Variants in CFAP47 observed in about 807,000 individuals in gnomAD.
CFAP47 encodes the protein cilia- and flagella-associated protein 47.
Under a neutral mutation model 148.1 loss-of-function variants are expected in CFAP47, and 29 were observed. The ratio of observed to expected loss-of-function variants is 0.20; its 90% CI spans 0.15 to 0.27. CFAP47 has a LOEUF of 0.27. Among genes scored for constraint, CFAP47 ranks in the 10% least tolerant of loss-of-function variants. CFAP47 has a pLI of 1.00. For missense variants in CFAP47, 1,872 were observed against 1,697.5 expected, an observed-to-expected ratio of 1.10 and a Z score of -1.81; for synonymous variants, 664 against 577.3, an observed-to-expected ratio of 1.15 and a Z score of -2.15.
chrX:36,212,610 C>CT (rs1353160624), intron 45 of CFAP47, among the ~76,000 whole-genome samples: 1 of 110,457 alleles, frequency 9.1e-6, no homozygotes. Context: ...AAGTTTTACA[C>CT]TTTTTTTAGT....
intron 49 of CFAP47, among the ~76,000 whole-genome samples, chrX:36,261,652 T>C (rs1940824890): frequency 9.1e-6 from 1 of 110,450 alleles, no homozygotes; most frequent in Non-Finnish European, 1.9e-5. Flanking sequence ...GGTAAGGTCA[T>C]AGATCAACAG....
chrX:36,050,642 C>A (rs910950029), intron 26 of CFAP47, among the ~76,000 whole-genome samples: 3 of 112,024 alleles, frequency 2.7e-5, no homozygotes, highest in African/African-American at 9.7e-5. Context: ...CCTGATACTG[C>A]AGTAGAATAG....
In CFAP47 at chrX:35,942,595, T is replaced by C. The variant is rs150163981; in HGVS notation, c.517+1197T>C. On this transcript the variant is annotated intron_variant, in intron 3 of 63. Transcript: ENST00000378653. ...GCACTGATATTTAATTAAGGTATTT[T>C]TATTTGTATTATTTTACTTTCCAGA... is the stretch of plus-strand genomic sequence containing the variant. 1.8e-3 allele frequency among the ~76,000 whole-genome samples: 202 copies of C among 111,462 alleles called. 4 individuals are homozygous for C. In the East Asian group the frequency reaches 0.047, roughly 26 times the overall value.
At chrX:36,023,227 T>C (rs1430150400) in intron 22 of CFAP47, among the ~76,000 whole-genome samples, 1 of 112,471 alleles carries the variant, frequency 8.9e-6, no homozygotes, top group Non-Finnish European at 1.9e-5. Context: ...AGGGACCACC[T>C]TGATGATTTT....
chrX:36,090,840 T>C lies in CFAP47; in HGVS notation c.4916+5302T>C, dbSNP rs187709555. On this transcript the variant is annotated intron_variant, in intron 30 of 63. Transcript: ENST00000378653. ...CTACTCTGCATAAATGAGCAACTTA[T>C]GTTTAGGGATTAAGCTAGGATTTTT... is the stretch of plus-strand genomic sequence containing the variant. Among the ~76,000 whole-genome samples, 795 of 111,782 alleles carry C rather than the reference T, an allele frequency of 7.1e-3. 4 individuals carry two copies. The highest frequency in any genetic ancestry group is 0.023 in the Middle Eastern group (5 of 216).
At chrX:35,972,057 A>G in intron 13 of CFAP47, 92 bp downstream of exon 13, 1 of 578,858 alleles carries the variant, frequency 1.7e-6, no homozygotes, top group Admixed American at 3.7e-5. Context: ...AATTTAAAGT[A>G]TGCAAGTATC....
chrX:36,266,938 T>A (rs782530658), intron 49 of CFAP47, among the ~76,000 whole-genome samples: 2 of 110,904 alleles, frequency 1.8e-5, no homozygotes, highest in African/African-American at 6.6e-5. Context: ...CTGGGCCCTC[T>A]CTTCAACCTC....
At chrX:36,049,539 C>T (rs2146736045) in intron 26 of CFAP47, among the ~76,000 whole-genome samples, 1 of 107,930 alleles carries the variant, frequency 9.3e-6, no homozygotes, top group Non-Finnish European at 1.9e-5. Context: ...AGTGAAACTT[C>T]TGTGTTCCAC....
At chrX:36,284,091 C>T (rs1376805946) in intron 50 of CFAP47, among the ~76,000 whole-genome samples, 3 of 112,068 alleles carry the variant, frequency 2.7e-5, no homozygotes, top group Admixed American at 9.5e-5. Context: ...GGAGAAGTCA[C>T]ATTTAAATGT....
intron 35 of CFAP47, among the ~76,000 whole-genome samples, chrX:36,141,429 C>G (rs1207532751): frequency 9.0e-6 from 1 of 111,446 alleles, no homozygotes; most frequent in Non-Finnish European, 1.9e-5. Flanking sequence ...CTTCTTCTTA[C>G]CTGTTTGTCC....
chrX:36,108,456 C>A (rs5973576), intron 33 of CFAP47, among the ~76,000 whole-genome samples: 7,094 of 111,448 alleles, frequency 0.064, 609 homozygotes, highest in African/African-American at 0.22. Context: ...TAATTAATCA[C>A]CAACCAACAA....
intron 22 of CFAP47, among the ~76,000 whole-genome samples, chrX:36,020,802 C>T (rs1250609049): frequency 1.8e-5 from 2 of 111,459 alleles, no homozygotes; most frequent in South Asian, 3.7e-4. Flanking sequence ...TTCAGCCAGT[C>T]CATTTACATT....
intron 62 of CFAP47, among the ~76,000 whole-genome samples, chrX:36,371,499 G>GTA (rs1332747289): frequency 9.5e-6 from 1 of 105,365 alleles, no homozygotes; most frequent in Non-Finnish European, 2.0e-5. Context: ...CTGGGTGTGT[G>GTA]TATATATATG....
rs761024902 is a variant in CFAP47 at position 36,003,967 on chromosome X, C to CTTTT, written c.3417+2281_3417+2284dup. Among the ~76,000 whole-genome samples, 195 of 66,369 alleles carry CTTTT rather than the reference C, an allele frequency of 2.9e-3. 9 individuals are homozygous for CTTTT. The highest frequency in any genetic ancestry group is 0.012 in the African/African-American group (171 of 14,845). 57.6% of individuals were successfully genotyped at this position (66,369 alleles called of 115,157 possible). ...AAATCACTAGCATTTCTTTCTTTTT[C>CTTTT]TTTTTTTTTTTTTTTTTTTTTTTTA... is the stretch of plus-strand genomic sequence containing the variant. On this transcript the variant is annotated intron_variant, in intron 21 of 63. Coordinates refer to ENST00000378653, the MANE Select transcript of CFAP47 (RefSeq NM_001304548.2).
chrX:35,958,350 A>C (rs1325137012), intron 8 of CFAP47, among the ~76,000 whole-genome samples: 1 of 111,742 alleles, frequency 8.9e-6, no homozygotes, highest in East Asian at 2.8e-4. Flanking sequence ...TTCATGTACA[A>C]CTTTTTGTGT....
At chrX:36,337,664 A>G (rs928152998) in intron 57 of CFAP47, among the ~76,000 whole-genome samples, 15 of 110,902 alleles carry the variant, frequency 1.4e-4, no homozygotes, top group African/African-American at 4.9e-4. Context: ...ACAGAGGCAA[A>G]TTATCTGTTT....
chrX:36,221,438 A>G, intron 45 of CFAP47, among the ~76,000 whole-genome samples: 1 of 111,812 alleles, frequency 8.9e-6, no homozygotes, highest in Middle Eastern at 5.0e-3. Context: ...AATAAACAAA[A>G]CTTGATGAAT....
intron 39 of CFAP47, among the ~76,000 whole-genome samples, chrX:36,178,130 T>C (rs763393676): frequency 9.0e-6 from 1 of 111,222 alleles, no homozygotes; most frequent in African/African-American, 3.3e-5. Context: ...GAGCCAAACA[T>C]TGGGTACACA....
chrX:36,072,019 G>T (rs765515686), intron 28 of CFAP47, 48 bp downstream of exon 28: 3 of 980,838 alleles, frequency 3.1e-6, no homozygotes. Flanking sequence ...TCCATGACAT[G>T]ATCTCCTTAA....
Sources: gnomAD v4.1 joint callset for allele counts (sites outside exome capture counted in the v4.1 genomes callset) on GRCh38, gnomAD v4.1.1 for gene constraint, MANE v1.5 for transcripts, NCBI Gene and HGNC (gene_info 2026-07-23, HGNC 2026-07-21) for gene names.